ELOVL2: variants seen among roughly 807,000 people sequenced by gnomAD.
ELOVL2 encodes the protein ELOVL fatty acid elongase 2.
Under a neutral mutation model 37.7 loss-of-function variants are expected in ELOVL2, and 38 were observed. That is an observed-to-expected ratio of 1.01 (90% CI 0.78 to 1.32). ELOVL2 has a LOEUF of 1.32. Among genes scored for constraint, ELOVL2 ranks in the 40% most tolerant of loss-of-function variants. ELOVL2 has a pLI of 0.00. For synonymous variants in ELOVL2, 115 were observed against 122.3 expected (o/e 0.94, Z 0.40); for missense variants, 352 against 363.6 (o/e 0.97, Z 0.26).
intron 2 of ELOVL2, among the ~76,000 whole-genome samples, chr6:11,010,433 A>C (rs1434592237): frequency 1.3e-5 from 2 of 152,214 alleles, no homozygotes; most frequent in Non-Finnish European, 2.9e-5. Context: ...AGGAAACAAG[A>C]AAGCAGCATC....
Position 10,995,002 on chromosome 6 carries a change from C to T in ELOVL2, c.505+5G>A, listed in dbSNP as rs369583586. On this transcript the variant is annotated splice_donor_5th_base_variant and intron_variant, in intron 5 of 7. Transcript: ENST00000354666. ...CAAAACGGAAAAATTAACAAAATAA[C>T]TTACTTTGTCCACAAGGTATCCAGT... 2.3e-4 allele frequency: 368 copies of T among 1,579,676 alleles called. 3 individuals carry two copies. The highest frequency in any genetic ancestry group is 1.7e-5 in the Non-Finnish European group (20 of 1,163,858).
chr6:11,017,456 C>A (rs1782702472), intron 1 of ELOVL2, among the ~76,000 whole-genome samples: 1 of 152,108 alleles, frequency 6.6e-6, no homozygotes, highest in African/African-American at 2.4e-5. Flanking sequence ...TCTCAGGATA[C>A]CACAAAGCCA....
At chr6:11,035,612 A>G (rs1406269052) in intron 1 of ELOVL2, among the ~76,000 whole-genome samples, 1 of 152,214 alleles carries the variant, frequency 6.6e-6, no homozygotes, top group African/African-American at 2.4e-5. Flanking sequence ...CATTCTTGCC[A>G]TGATAAAGAA....
chr6:10,996,184 G>A (rs548340503), intron 4 of ELOVL2, among the ~76,000 whole-genome samples: 2 of 152,306 alleles, frequency 1.3e-5, no homozygotes, highest in African/African-American at 4.8e-5. Context: ...AAAATATCAT[G>A]CTCTACTGTC....
intron 5 of ELOVL2, 120 bp downstream of exon 5, chr6:10,994,880 CGGCAAGG>C (rs1452805849): frequency 7.0e-6 from 5 of 709,710 alleles, no homozygotes; most frequent in Non-Finnish European, 1.1e-5. Flanking sequence ...CATCCTGCTG[CGGCAAGG>C]CCGGCGCTCT....
intron 5 of ELOVL2, among the ~76,000 whole-genome samples, chr6:10,994,574 C>T (rs144761818): frequency 2.3e-3 from 350 of 151,990 alleles, no homozygotes; most frequent in African/African-American, 7.8e-3. Context: ...CTGGTAGGTC[C>T]TTCAGAGATG....
At position 10,999,468 on chromosome 6, in the gene ELOVL2, C is replaced by T. The variant is rs1280006888; in HGVS notation, c.333+619G>A. On this transcript the variant is annotated intron_variant, in intron 4 of 7. Coordinates refer to ENST00000354666, the MANE Select transcript of ELOVL2 (RefSeq NM_017770.4). ...TCGGCTCACCACAACCTCCGCCTCC[C>T]GGGTTCAAGCGATTCTCCTGGCTCA... is the stretch of plus-strand genomic sequence containing the variant. 2.6e-5 allele frequency among the ~76,000 whole-genome samples: 4 copies of T among 151,902 alleles called. No homozygotes were observed. In the East Asian group the frequency reaches 5.8e-4, roughly 22 times the overall value.
At chr6:11,029,867 T>G (rs937673173) in intron 1 of ELOVL2, among the ~76,000 whole-genome samples, 1 of 152,120 alleles carries the variant, frequency 6.6e-6, no homozygotes, top group African/African-American at 2.4e-5. Flanking sequence ...GAAACAAATA[T>G]TTATGGTGTG....
intron 3 of ELOVL2, among the ~76,000 whole-genome samples, chr6:11,000,782 G>A (rs540865104): frequency 6.6e-6 from 1 of 152,294 alleles, no homozygotes; most frequent in African/African-American, 2.4e-5. Context: ...TGTATCTACA[G>A]TTCCTTGCCT....
At chr6:11,029,333 C>T (rs113143160) in intron 1 of ELOVL2, among the ~76,000 whole-genome samples, 1 of 151,512 alleles carries the variant, frequency 6.6e-6, no homozygotes, top group Non-Finnish European at 1.5e-5. Context: ...TAAGTCGCTG[C>T]GTAACTTTGG....
At chr6:11,018,511 T>C (rs1202718828) in intron 1 of ELOVL2, among the ~76,000 whole-genome samples, 1 of 152,182 alleles carries the variant, frequency 6.6e-6, no homozygotes, top group Non-Finnish European at 1.5e-5. Context: ...TTGAACACAG[T>C]TGAGGGTTCA....
At chr6:11,000,544 G>C (rs1377873628) in intron 3 of ELOVL2, among the ~76,000 whole-genome samples, 1 of 151,826 alleles carries the variant, frequency 6.6e-6, no homozygotes, top group Non-Finnish European at 1.5e-5. Context: ...ATTTTGTATT[G>C]GTTTAAATAT....
intron 4 of ELOVL2, among the ~76,000 whole-genome samples, chr6:10,997,590 G>A (rs61624919): frequency 0.53 from 80,866 of 152,000 alleles, 22,518 homozygotes; most frequent in East Asian, 0.91. Context: ...GATCCTTTAT[G>A]AAGAATTTCT....
At chr6:11,037,078 G>A (rs560158625) in intron 1 of ELOVL2, among the ~76,000 whole-genome samples, 1 of 147,398 alleles carries the variant, frequency 6.8e-6, no homozygotes, top group African/African-American at 2.5e-5. Context: ...GAGGCAGAGA[G>A]GGAAAGAGAC....
At chr6:11,029,601 G>A (rs1398999423) in intron 1 of ELOVL2, among the ~76,000 whole-genome samples, 1 of 152,192 alleles carries the variant, frequency 6.6e-6, no homozygotes, top group African/African-American at 2.4e-5. Context: ...GAGTGACATC[G>A]TATAGCAGAA....
chr6:11,005,544 CCT>C lies in ELOVL2; in HGVS notation c.81_82del (p.Gly28ValfsTer25). 9 of 1,612,688 alleles carry C rather than the reference CCT, an allele frequency of 5.6e-6. No homozygotes were observed. The highest frequency in any genetic ancestry group is 7.6e-6 in the Non-Finnish European group (9 of 1,179,464). On this transcript the variant is annotated frameshift_variant, in exon 3 of 8. Transcript: ENST00000354666. LOFTEE classifies it high-confidence loss of function. ...AAGGTAAGAGTCCAACATGAACCAC[CCT>C]CTGACTCGAGAATCTGAAAAGAAAC...
At chr6:10,984,731 G>A (rs28792430) in intron 7 of ELOVL2, among the ~76,000 whole-genome samples, 43,739 of 150,642 alleles carry the variant, frequency 0.29, 7,076 homozygotes, top group African/African-American at 0.44. Context: ...TGGTGTATAT[G>A]TGCCATATTT....
At chr6:11,006,106 C>T (rs940921993) in intron 2 of ELOVL2, among the ~76,000 whole-genome samples, 6 of 152,134 alleles carry the variant, frequency 3.9e-5, no homozygotes, top group African/African-American at 4.8e-5. Flanking sequence ...CACACAGCTC[C>T]GAATTTGCCT....
intron 3 of ELOVL2, among the ~76,000 whole-genome samples, chr6:11,004,107 T>G (rs886073121): frequency 2.0e-5 from 3 of 151,712 alleles, no homozygotes; most frequent in Admixed American, 6.6e-5. Flanking sequence ...GTTGTCAGCA[T>G]GGCTTTTTTG....
Sources: gnomAD v4.1 joint callset for allele counts (sites outside exome capture counted in the v4.1 genomes callset) on GRCh38, gnomAD v4.1.1 for gene constraint, MANE v1.5 for transcripts, NCBI Gene and HGNC (gene_info 2026-07-23, HGNC 2026-07-21) for gene names.